The following MTHFS variants were observed in gnomAD, a reference collection of about 807,000 sequenced individuals.
MTHFS encodes the protein methenyltetrahydrofolate synthetase, also known as 5-formyltetrahydrofolate cyclo-ligase.
In MTHFS, 7 loss-of-function variants were observed where a neutral mutation model predicts 12.7. That is an observed-to-expected ratio of 0.55 (90% CI 0.31 to 1.03). MTHFS has a LOEUF of 1.03. Among genes scored for constraint, MTHFS ranks in the 50% least tolerant of loss-of-function variants. The pLI, the probability that MTHFS is intolerant of heterozygous loss-of-function variation, is 0.05. For missense variants in MTHFS, 252 were observed against 258.1 expected (o/e 0.98, Z 0.16); for synonymous variants, 100 against 97.1 (o/e 1.03, Z -0.18).
At chr15:79,885,224 C>T (rs796381664) in intron 2 of MTHFS, among the ~76,000 whole-genome samples, 5 of 152,272 alleles carry the variant, frequency 3.3e-5, no homozygotes, top group African/African-American at 1.2e-4. Context: ...CTTGATGATG[C>T]CCCACTCAAT....
rs774395304 is a variant in MTHFS, at chr15:79,889,322, T to C, written c.150A>G (p.Lys50=). 37 of 1,614,010 alleles carry C rather than the reference T, an allele frequency of 2.3e-5. 1 individual carries two copies. The Admixed American group carries it at 6.2e-4, about 27-fold the overall frequency. ...VIAHSEYQKS[K]RISIFLSMQD... ...GCATGCTCAGAAAGATGGAAATTCTTTTGGACTTTTGATACTCACTGTGGG... is the reference window on the plus strand; with the variant it reads ...GCATGCTCAGAAAGATGGAAATTCTCTTGGACTTTTGATACTCACTGTGGG... The change falls in exon 2 of 3, where the codon AAA becomes AAG. Residue 50 remains lysine (K), a synonymous_variant. Transcript: ENST00000258874.
At chr15:79,883,726 C>T (rs1343777572) in intron 2 of MTHFS, among the ~76,000 whole-genome samples, 1 of 152,192 alleles carries the variant, frequency 6.6e-6, no homozygotes, top group Non-Finnish European at 1.5e-5. Flanking sequence ...CTCAACAACA[C>T]AATTAGTCAG....
At chr15:79,874,396 A>G (rs2141363076) in intron 2 of MTHFS, among the ~76,000 whole-genome samples, 1 of 152,178 alleles carries the variant, frequency 6.6e-6, no homozygotes, top group East Asian at 1.9e-4. Flanking sequence ...ACAACCACCA[A>G]CAGCCTGGCA....
chr15:79,851,374 A>G (rs1328690828), intron 2 of MTHFS, among the ~76,000 whole-genome samples: 1 of 152,160 alleles, frequency 6.6e-6, no homozygotes, highest in Non-Finnish European at 1.5e-5. Context: ...AAAAAGAATG[A>G]CAGTGAAGGA....
In MTHFS at chr15:79,844,863, C is replaced by A; in HGVS notation, c.*347G>T. On this transcript the variant is annotated 3_prime_UTR_variant, in exon 3 of 3. Transcript: ENST00000258874. ...TGAAAGGCGTAATGAAATACAGTGC[C>A]CACTCCCGCAAGTTTACCTTCCTCT... The A allele has an allele frequency of 3.4e-6, 1 of 293,222 alleles. No homozygotes were observed. The highest frequency in any genetic ancestry group is 3.7e-5 in the South Asian group (1 of 27,262). The allele number at this position is 293,222 out of a possible 1,614,324, so 18.2% of individuals were successfully genotyped here. A position where few individuals can be genotyped will look rare whatever the true frequency, so the allele number is the denominator to read the frequency against.
chr15:79,879,493 A>G (rs901364101), intron 2 of MTHFS, among the ~76,000 whole-genome samples: 1 of 151,690 alleles, frequency 6.6e-6, no homozygotes, highest in Non-Finnish European at 1.5e-5. Flanking sequence ...ATGCCCAGCT[A>G]ATTTTTTTCC....
chr15:79,890,427 C>T (rs2034454965), intron 1 of MTHFS, among the ~76,000 whole-genome samples: 1 of 151,900 alleles, frequency 6.6e-6, no homozygotes, highest in Non-Finnish European at 1.5e-5. Context: ...CAGGGTTTCA[C>T]CATGTTGCTC....
chr15:79,862,072 T>G (rs892605411), intron 2 of MTHFS, among the ~76,000 whole-genome samples: 5 of 151,390 alleles, frequency 3.3e-5, no homozygotes, highest in Admixed American at 2.6e-4. Flanking sequence ...CTGTTTGGCT[T>G]TTTTTTTTCC....
rs189785752 is a variant in MTHFS, at chr15:79,844,709, T to C, written c.*501A>G. ...CTACAAAGTGTCCAACATAAAATTC[T>C]AGAGTGGGTAAAGGAAGTCATGATG... On this transcript the variant is annotated 3_prime_UTR_variant, in exon 3 of 3. Coordinates refer to ENST00000258874, the MANE Select transcript of MTHFS (RefSeq NM_006441.4). Among the ~76,000 whole-genome samples the C allele has an allele frequency of 1.4e-4, 21 of 152,312 alleles. No individual in the cohort carries two copies. Among genetic ancestry groups the C allele is most frequent in the African/African-American group, 4.1e-4 (17 of 41,574 alleles).
intron 2 of MTHFS, chr15:79,878,279 T>C (rs1203882252): frequency 6.6e-6 from 1 of 151,824 alleles, no homozygotes; most frequent in Non-Finnish European, 1.5e-5. Context: ...CTTTTCTGAG[T>C]GCACTCAGAC....
At position 79,879,288 on chromosome 15, in the gene MTHFS, T is replaced by G. The variant is rs188743218; in HGVS notation, c.379+9805A>C. On this transcript the variant is annotated intron_variant, in intron 2 of 2. Transcript: ENST00000258874. ...GCCCACAGAGGCAAAGTTTTTGCTT[T>G]AATATTTTGTGTTTTACCTTTAAAT... Among the ~76,000 whole-genome samples, 22 of 151,762 alleles carry G rather than the reference T, an allele frequency of 1.4e-4. No individual in the cohort carries two copies. In the East Asian group the frequency reaches 4.3e-3, roughly 29 times the overall value.
chr15:79,892,937 G>T (rs182155409), intron 1 of MTHFS, among the ~76,000 whole-genome samples: 1 of 151,476 alleles, frequency 6.6e-6, no homozygotes, highest in Non-Finnish European at 1.5e-5. Flanking sequence ...GCAACAGAGC[G>T]AGACTCCATC....
intron 2 of MTHFS, among the ~76,000 whole-genome samples, chr15:79,880,620 A>C (rs2034280419): frequency 6.6e-6 from 1 of 152,086 alleles, no homozygotes; most frequent in Admixed American, 6.5e-5. Context: ...CACACCAAAA[A>C]AAAAATGTTT....
intron 2 of MTHFS, among the ~76,000 whole-genome samples, chr15:79,871,940 C>T (rs779779831): frequency 2.0e-5 from 3 of 150,904 alleles, no homozygotes; most frequent in South Asian, 2.1e-4. Context: ...CCATCTCTAC[C>T]GAAAAAATAC....
intron 2 of MTHFS, among the ~76,000 whole-genome samples, chr15:79,871,355 G>A (rs1328072141): frequency 6.6e-6 from 1 of 152,072 alleles, no homozygotes; most frequent in Admixed American, 6.5e-5. Context: ...CCAAAAACAT[G>A]ATGACAAAGG....
chr15:79,891,832 G>A (rs1238392650), intron 1 of MTHFS, among the ~76,000 whole-genome samples: 1 of 151,898 alleles, frequency 6.6e-6, no homozygotes, highest in Non-Finnish European at 1.5e-5. Flanking sequence ...GCCAGGCGTG[G>A]TGGCACATGC....
upstream of MTHFS, chr15:79,897,120 C>G (rs1203151351): frequency 1.2e-6 from 1 of 820,798 alleles, no homozygotes; most frequent in Non-Finnish European, 1.7e-6. Context: ...CGCCCCCACC[C>G]CGCTTCCGGG....
intron 2 of MTHFS, among the ~76,000 whole-genome samples, chr15:79,880,122 T>C (rs2034271354): frequency 6.6e-6 from 1 of 152,024 alleles, no homozygotes; most frequent in South Asian, 2.1e-4. Context: ...CAGGCTGGAG[T>C]GCAGTGGCAT....
intron 2 of MTHFS, among the ~76,000 whole-genome samples, chr15:79,853,951 G>A (rs1006512939): frequency 3.3e-5 from 5 of 152,130 alleles, no homozygotes; most frequent in Non-Finnish European, 7.4e-5. Context: ...TAAGCTCTTT[G>A]CAAACATGAC....
Sources: gnomAD v4.1 joint callset for allele counts (sites outside exome capture counted in the v4.1 genomes callset) on GRCh38, gnomAD v4.1.1 for gene constraint, MANE v1.5 for transcripts, NCBI Gene and HGNC (gene_info 2026-07-23, HGNC 2026-07-21) for gene names.